Variants in SHISA9 observed in about 807,000 individuals in gnomAD.
SHISA9 encodes shisa family member 9, also known as protein shisa-9.
In SHISA9, 13 loss-of-function variants were observed where a neutral mutation model predicts 38.0. That is an observed-to-expected ratio of 0.34 (90% confidence interval 0.22 to 0.54). SHISA9 has a LOEUF of 0.54. SHISA9 is among the 20% of genes least tolerant of loss of function. The probability of loss-of-function intolerance (pLI) is 0.91; values close to 1 mark genes in which losing one functional copy is unlikely to be tolerated. For missense variants in SHISA9, 538 were observed against 575.8 expected, an observed-to-expected ratio of 0.93 and a Z score of 0.67; for synonymous variants, 275 against 242.0, an observed-to-expected ratio of 1.14 and a Z score of -1.27.
At chr16:13,206,819 T>A (rs925333465) in intron 3 of SHISA9, among the ~76,000 whole-genome samples, 1 of 152,230 alleles carries the variant, frequency 6.6e-6, no homozygotes, top group Admixed American at 6.5e-5. Context: ...CCATATTGCC[T>A]GTTTGCACAG....
chr16:13,126,591 G>A (rs1005219023), intron 2 of SHISA9, among the ~76,000 whole-genome samples: 2 of 131,950 alleles, frequency 1.5e-5, no homozygotes, highest in Non-Finnish European at 3.3e-5. Context: ...AAGAGAGAGA[G>A]AAAGAGAGAC....
chr16:13,510,046 C>T, the SHISA9 span, among the ~76,000 whole-genome samples: 1 of 152,158 alleles, frequency 6.6e-6, no homozygotes, highest in African/African-American at 2.4e-5. Flanking sequence ...TGTCTCACAC[C>T]TGTAGTCCCA....
intron 3 of SHISA9, among the ~76,000 whole-genome samples, chr16:13,206,931 C>G (rs1276284945): frequency 6.6e-6 from 1 of 152,232 alleles, no homozygotes; most frequent in Admixed American, 6.5e-5. Flanking sequence ...GCCAGTGTAA[C>G]TGTGGAAGCC....
chr16:12,994,999 A>G (rs1269720820), intron 2 of SHISA9, among the ~76,000 whole-genome samples: 4 of 152,174 alleles, frequency 2.6e-5, no homozygotes, highest in Non-Finnish European at 5.9e-5. Context: ...TCGCATGTAA[A>G]CAATATTCAA....
At chr16:13,465,697 G>T in the SHISA9 span, among the ~76,000 whole-genome samples, 2 of 152,156 alleles carry the variant, frequency 1.3e-5, no homozygotes, top group African/African-American at 4.8e-5. Context: ...ACCTTTGAAG[G>T]CAGATCCAGG....
chr16:13,086,935 G>T (rs2073717364), intron 2 of SHISA9, among the ~76,000 whole-genome samples: 1 of 151,734 alleles, frequency 6.6e-6, no homozygotes, highest in Admixed American at 6.6e-5. Flanking sequence ...TTTACATTAG[G>T]TATTTCTCCT....
chr16:12,913,400 T>G (rs1285015068), intron 1 of SHISA9, among the ~76,000 whole-genome samples: 1 of 152,202 alleles, frequency 6.6e-6, no homozygotes, highest in East Asian at 1.9e-4. Flanking sequence ...TTTCACCATG[T>G]TGGCCAGGCT....
chr16:13,014,661 GCTGT>G (rs1230278942), intron 2 of SHISA9, among the ~76,000 whole-genome samples: 1 of 152,198 alleles, frequency 6.6e-6, no homozygotes, highest in Non-Finnish European at 1.5e-5. Context: ...GAGATGTGGT[GCTGT>G]CTGTTACAGC....
the SHISA9 span, among the ~76,000 whole-genome samples, chr16:13,446,222 G>A: frequency 6.6e-6 from 1 of 152,136 alleles, no homozygotes; most frequent in African/African-American, 2.4e-5. Flanking sequence ...TGGGATTACA[G>A]GTGTGAGCCA....
intron 2 of SHISA9, among the ~76,000 whole-genome samples, chr16:13,008,998 G>A (rs2072636976): frequency 6.6e-6 from 1 of 152,010 alleles, no homozygotes; most frequent in Admixed American, 6.6e-5. Flanking sequence ...TGTCAATCAG[G>A]GGAGAAGGAC....
At chr16:13,151,033 T>G (rs1567228750) in intron 2 of SHISA9, among the ~76,000 whole-genome samples, 1 of 152,208 alleles carries the variant, frequency 6.6e-6, no homozygotes, top group East Asian at 1.9e-4. Flanking sequence ...ATAGGGGTTT[T>G]CTTCTTATAT....
At chr16:13,484,989 A>C in the SHISA9 span, among the ~76,000 whole-genome samples, 1 of 151,800 alleles carries the variant, frequency 6.6e-6, no homozygotes, top group East Asian at 1.9e-4. Flanking sequence ...TATGTGTATC[A>C]GTCAAGTGAT....
In SHISA9 at chr16:13,203,397, C is replaced by G. The variant is rs112510263; in HGVS notation, c.695C>G (p.Ala232Gly). Residue 232 changes from alanine to glycine, a missense_variant, in exon 3 of 5, where the codon GCC becomes GGC. By Grantham distance (60) the Ala-to-Gly change is moderately conservative (BLOSUM62 0). Around this residue, in one of 4 missense-constraint regions of SHISA9, gnomAD observed 326 missense variants for 305.9 expected, o/e 1.07. Coordinates refer to ENST00000558583, the MANE Select transcript of SHISA9 (RefSeq NM_001145204.3). ...DTRTPINNLH[A>G]TQMNNAVPTS... ...CCTTCTGTGTCTTCACTTCCAGATG[C>G]CACCCAGATGAACAACGCAGTGCCC... 0.015 allele frequency: 23,376 copies of G among 1,528,168 alleles called. 227 individuals carry two copies. The highest frequency in any genetic ancestry group is 0.024 in the Admixed American group (1,106 of 45,762). The allele number at this position is 1,528,168 out of a possible 1,614,324, so 94.7% of individuals were successfully genotyped here.
the SHISA9 span, among the ~76,000 whole-genome samples, chr16:13,503,814 T>C: frequency 6.6e-6 from 1 of 152,152 alleles, no homozygotes; most frequent in East Asian, 1.9e-4. Context: ...ATGTTCACAG[T>C]AAAACTACTA....
At chr16:13,555,391 A>G in the SHISA9 span, among the ~76,000 whole-genome samples, 1 of 152,198 alleles carries the variant, frequency 6.6e-6, no homozygotes, top group African/African-American at 2.4e-5. Flanking sequence ...AGCTTTCCAA[A>G]AAAATAAAAG....
the SHISA9 span, among the ~76,000 whole-genome samples, chr16:13,280,834 C>T: frequency 6.6e-6 from 1 of 151,536 alleles, no homozygotes; most frequent in African/African-American, 2.4e-5. Context: ...AGCCTCATGA[C>T]AGCAAAAGAC....
At chr16:12,993,803 T>A (rs1040932263) in intron 2 of SHISA9, among the ~76,000 whole-genome samples, 1 of 151,966 alleles carries the variant, frequency 6.6e-6, no homozygotes, top group African/African-American at 2.4e-5. Context: ...GAATGTTAAG[T>A]TGAGATCTGG....
chr16:13,424,102 C>A, the SHISA9 span, among the ~76,000 whole-genome samples: 1 of 152,206 alleles, frequency 6.6e-6, no homozygotes, highest in Non-Finnish European at 1.5e-5. Flanking sequence ...CACACAGTCC[C>A]AAGAGAGGGG....
chr16:13,455,013 CTTTT>C, the SHISA9 span, among the ~76,000 whole-genome samples: 5 of 150,620 alleles, frequency 3.3e-5, no homozygotes, highest in Admixed American at 3.3e-4. Context: ...CAGCTACCTT[CTTTT>C]TTTTTTATCA....
Sources: gnomAD v4.1 joint callset for allele counts (sites outside exome capture counted in the v4.1 genomes callset) on GRCh38, gnomAD v4.1.1 for gene constraint, gnomAD v4.1.1 regional missense constraint, MANE v1.5 for transcripts, NCBI Gene and HGNC (gene_info 2026-07-23, HGNC 2026-07-21) for gene names.